EPHA6: variants seen among roughly 807,000 people sequenced by gnomAD.
EPHA6 encodes EPH receptor A6.
EPHA6 carries 50 observed loss-of-function variants against 112.0 expected under a neutral mutation model. That is an observed-to-expected ratio of 0.45 (90% confidence interval 0.36 to 0.56). The LOEUF is 0.56. Among genes scored for constraint, EPHA6 ranks in the 20% least tolerant of loss-of-function variants. EPHA6 has a pLI of 0.00. For synonymous variants in EPHA6, 529 were observed against 490.7 expected, an observed-to-expected ratio of 1.08 and a Z score of -1.03; for missense variants, 1,280 against 1,417.4, an observed-to-expected ratio of 0.90 and a Z score of 1.56.
chr3:97,427,303 A>G (rs1235616605), intron 6 of EPHA6, among the ~76,000 whole-genome samples: 1 of 152,130 alleles, frequency 6.6e-6, no homozygotes, highest in East Asian at 1.9e-4. Flanking sequence ...ATGACCATTA[A>G]TGGTAGAGTC....
intron 5 of EPHA6, among the ~76,000 whole-genome samples, chr3:97,388,527 A>G (rs1166713433): frequency 2.6e-5 from 4 of 152,138 alleles, no homozygotes; most frequent in Non-Finnish European, 4.4e-5. Flanking sequence ...AAAAAAAATG[A>G]CTTTTAAGAA....
intron 11 of EPHA6, 131 bp from the exon 12 acceptor site, chr3:97,592,481 C>T (rs2093553982): frequency 9.7e-7 from 1 of 1,030,882 alleles, no homozygotes; most frequent in Non-Finnish European, 1.4e-6. Context: ...AAATGCATTC[C>T]ATCCCTTTAA....
intron 3 of EPHA6, among the ~76,000 whole-genome samples, chr3:97,097,863 G>T (rs1011643042): frequency 1.3e-5 from 2 of 151,866 alleles, no homozygotes; most frequent in African/African-American, 4.8e-5. Context: ...GTAGGCAATG[G>T]TTATTAAATC....
intron 3 of EPHA6, among the ~76,000 whole-genome samples, chr3:97,173,743 A>C (rs1004669808): frequency 1.8e-4 from 27 of 151,750 alleles, no homozygotes; most frequent in Non-Finnish European, 3.0e-5. Flanking sequence ...GTAACAAATG[A>C]CACATTTAAG....
At chr3:96,938,402 C>T (rs1384329892) in intron 2 of EPHA6, among the ~76,000 whole-genome samples, 1 of 150,550 alleles carries the variant, frequency 6.6e-6, no homozygotes, top group Non-Finnish European at 1.5e-5. Flanking sequence ...TGATTTGGCT[C>T]TCTGTTTGTC....
intron 2 of EPHA6, among the ~76,000 whole-genome samples, chr3:96,921,791 C>G (rs969988693): frequency 2.0e-5 from 3 of 152,054 alleles, no homozygotes; most frequent in African/African-American, 7.2e-5. Flanking sequence ...TGGTCTTGAA[C>G]TCTTAACCTC....
intron 3 of EPHA6, among the ~76,000 whole-genome samples, chr3:97,108,069 T>G (rs138410705): frequency 3.3e-5 from 5 of 152,256 alleles, no homozygotes; most frequent in African/African-American, 1.2e-4. Flanking sequence ...AGGATACCTT[T>G]TCTTATCCCT....
rs1303191384 is a variant in EPHA6 at position 97,210,014 on chromosome 3, A to C, written c.1115-16250A>C. Among the ~76,000 whole-genome samples the C allele has an allele frequency of 3.3e-5, 5 of 152,210 alleles. No individual in the cohort carries two copies. In the East Asian group the frequency reaches 9.6e-4, roughly 29 times the overall value. ...TTATTTCTAAGTTTTGAATAAAGCA[A>C]TATTAGTTTCACCTCTTACAAAAAA... On this transcript the variant is annotated intron_variant, in intron 3 of 17. Coordinates refer to ENST00000389672, the MANE Select transcript of EPHA6 (RefSeq NM_001080448.3).
intron 3 of EPHA6, among the ~76,000 whole-genome samples, chr3:97,143,596 A>G (rs974326710): frequency 1.3e-5 from 2 of 151,784 alleles, no homozygotes; most frequent in African/African-American, 2.4e-5. Flanking sequence ...AACTACCTCA[A>G]TCTTGCTAAA....
chr3:97,252,928 C>T (rs2079185452), intron 5 of EPHA6, among the ~76,000 whole-genome samples: 1 of 152,104 alleles, frequency 6.6e-6, no homozygotes, highest in Admixed American at 6.5e-5. Flanking sequence ...AAATTTACCT[C>T]TCTGTGTTAC....
At chr3:97,045,210 A>G (rs1481836342) in intron 3 of EPHA6, among the ~76,000 whole-genome samples, 2 of 152,040 alleles carry the variant, frequency 1.3e-5, no homozygotes, top group East Asian at 3.9e-4. Context: ...ATGTATAGTT[A>G]AAAAACATAG....
chr3:97,518,438 T>C (rs1350423845), intron 10 of EPHA6, among the ~76,000 whole-genome samples: 1 of 152,106 alleles, frequency 6.6e-6, no homozygotes, highest in Non-Finnish European at 1.5e-5. Context: ...GGTTCAGGTA[T>C]CTTTAGACAT....
At position 97,244,176 on chromosome 3, in the gene EPHA6, T is replaced by A. The variant is rs371358724; in HGVS notation, c.1495T>A (p.Phe499Ile). Reference protein sequence around the residue: ...LINNSVIVLDFVSHVNYTFEI... With the variant: ...LINNSVIVLDIVSHVNYTFEI... ...CAACAATTCCGTGATAGTACTTGAC[T>A]TTGTGTCTCACGTGAATTACACCTT... The change falls in exon 5 of 18, where the codon TTT (phenylalanine) becomes ATT (isoleucine). Residue 499 changes from phenylalanine to isoleucine, a missense_variant. Transcript: ENST00000389672. 2.5e-6 allele frequency: 4 copies of A among 1,613,078 alleles called. No individual in the cohort carries two copies. The highest frequency in any genetic ancestry group is 1.7e-5 in the Admixed American group (1 of 59,834).
intron 3 of EPHA6, among the ~76,000 whole-genome samples, chr3:97,214,038 T>TGTGTGTGTGAGAGA (rs1491420279): frequency 0.032 from 2,466 of 77,502 alleles, 66 homozygotes; most frequent in East Asian, 0.15. Flanking sequence ...TGTGTGTGTG[T>TGTGTGTGTGAGAGA]GAGAGAGAGA....
At chr3:97,429,290 A>G (rs951900075) in intron 6 of EPHA6, among the ~76,000 whole-genome samples, 6 of 152,128 alleles carry the variant, frequency 3.9e-5, no homozygotes, top group African/African-American at 1.4e-4. Flanking sequence ...TAAATTATGC[A>G]TGTATCTTTT....
At chr3:97,680,460 T>C (rs1054219543) in intron 14 of EPHA6, among the ~76,000 whole-genome samples, 1 of 152,226 alleles carries the variant, frequency 6.6e-6, no homozygotes, top group Admixed American at 6.5e-5. Context: ...ACATCTAATG[T>C]CACTTTTATT....
chr3:97,535,258 C>G (rs1258434793), intron 11 of EPHA6, among the ~76,000 whole-genome samples: 2 of 147,710 alleles, frequency 1.4e-5, no homozygotes, highest in African/African-American at 4.9e-5. Flanking sequence ...CCAGTGACCT[C>G]TACTTAGCCA....
chr3:97,399,919 G>C (rs1382989797), intron 5 of EPHA6, among the ~76,000 whole-genome samples: 9 of 151,440 alleles, frequency 5.9e-5, no homozygotes, highest in Non-Finnish European at 1.0e-4. Context: ...TTTCTTTGCT[G>C]TTCAGAAGCT....
In EPHA6 at chr3:96,950,970, T is replaced by G. The variant is rs571078158; in HGVS notation, c.451-36360T>G. 2.7e-3 allele frequency among the ~76,000 whole-genome samples: 404 copies of G among 152,208 alleles called. 1 individual carries two copies. The highest frequency in any genetic ancestry group is 4.6e-3 in the Non-Finnish European group (310 of 67,964). On this transcript the variant is annotated intron_variant, in intron 2 of 17. Transcript: ENST00000389672. The stretch of plus-strand genomic sequence containing the variant: ...CTTTTATTCTTTTTCTGTTTATTGT[T>G]TATGAATTATATTTAGTGTTGACTT...
Sources: allele counts gnomAD v4.1 joint callset (sites outside exome capture counted in the v4.1 genomes callset), GRCh38; gene constraint gnomAD v4.1.1; transcripts MANE v1.5; gene names NCBI Gene and HGNC (gene_info 2026-07-23, HGNC 2026-07-21).